Variants in CELF1 observed in about 807,000 individuals in gnomAD.
CELF1 encodes the protein CUGBP Elav-like family member 1, also known as 50 kDa nuclear polyadenylated RNA-binding protein.
CELF1 carries 10 observed loss-of-function variants against 61.8 expected under a neutral mutation model. That is an observed-to-expected ratio of 0.16 (90% CI 0.10 to 0.27). The LOEUF (loss-of-function observed/expected upper bound fraction) is 0.27, where lower values mean the gene tolerates loss of function less well. Among genes scored for constraint, CELF1 ranks in the 10% least tolerant of loss-of-function variants. The pLI is 1.00. For synonymous variants in CELF1, 236 were observed against 225.1 expected (o/e 1.05, Z -0.43); for missense variants, 380 against 639.1 (o/e 0.59, Z 4.37).
chr11:47,540,857 C>A (rs960171416), intron 1 of CELF1, among the ~76,000 whole-genome samples: 2 of 151,870 alleles, frequency 1.3e-5, no homozygotes, highest in Non-Finnish European at 2.9e-5. Context: ...TGGACTCCAG[C>A]CTGGGCGACA....
intron 1 of CELF1, among the ~76,000 whole-genome samples, chr11:47,546,926 G>T (rs908571815): frequency 2.0e-5 from 3 of 151,782 alleles, no homozygotes; most frequent in Non-Finnish European, 4.4e-5. Flanking sequence ...AATTAGCTGG[G>T]GGTCATGGCA....
chr11:47,487,384 C>T (rs1452757982), intron 4 of CELF1, 143 bp from the exon 5 acceptor site: 2 of 602,818 alleles, frequency 3.3e-6, no homozygotes, highest in African/African-American at 1.9e-5. Context: ...TGGAAAAGAA[C>T]GAATAGAATA....
intron 9 of CELF1, among the ~76,000 whole-genome samples, chr11:47,479,420 T>A (rs1398581701): frequency 6.6e-6 from 1 of 152,238 alleles, no homozygotes; most frequent in Non-Finnish European, 1.5e-5. Context: ...ATTTTAAATA[T>A]CAAATCTAAA....
At chr11:47,501,725 A>C (rs2093930479) in intron 1 of CELF1, among the ~76,000 whole-genome samples, 1 of 152,162 alleles carries the variant, frequency 6.6e-6, no homozygotes, top group Non-Finnish European at 1.5e-5. Context: ...CGGGAGGCTA[A>C]GGCAGGAGAA....
chr11:47,535,285 C>T (rs2096598938), intron 1 of CELF1, among the ~76,000 whole-genome samples: 2 of 151,610 alleles, frequency 1.3e-5, no homozygotes, highest in African/African-American at 2.4e-5. Context: ...CCAATTCATA[C>T]AACAAATTCA....
At chr11:47,540,347 T>C (rs2153721011) in intron 1 of CELF1, among the ~76,000 whole-genome samples, 1 of 152,258 alleles carries the variant, frequency 6.6e-6, no homozygotes, top group East Asian at 1.9e-4. Context: ...GCTCTAGCCA[T>C]CTAGGAAATA....
intron 1 of CELF1, among the ~76,000 whole-genome samples, chr11:47,520,836 G>A (rs145495873): frequency 0.013 from 1,967 of 152,040 alleles, 37 homozygotes; most frequent in African/African-American, 0.044. Flanking sequence ...CCCAAAAAAG[G>A]CTAAAATTAA....
intron 1 of CELF1, among the ~76,000 whole-genome samples, chr11:47,509,275 T>C (rs748845551): frequency 1.4e-4 from 21 of 152,184 alleles, no homozygotes; most frequent in Non-Finnish European, 2.2e-4. Flanking sequence ...GCCTGAACTG[T>C]TTGTACTGTA....
intron 2 of CELF1, among the ~76,000 whole-genome samples, chr11:47,558,694 A>T (rs796865583): frequency 1.9e-5 from 2 of 106,352 alleles, no homozygotes; most frequent in African/African-American, 3.8e-5. Context: ...ATTATATATA[A>T]TATATGTCAT....
At chr11:47,488,640 A>G (rs2089218105) in intron 4 of CELF1, among the ~76,000 whole-genome samples, 197 bp downstream of exon 4, 1 of 152,222 alleles carries the variant, frequency 6.6e-6, no homozygotes, top group South Asian at 2.1e-4. Flanking sequence ...GGATTACAAG[A>G]TATTACTACT....
At chr11:47,554,818 T>G (rs929230501), upstream of CELF1, among the ~76,000 whole-genome samples, 2 of 152,008 alleles carry the variant, frequency 1.3e-5, no homozygotes, top group African/African-American at 4.8e-5. Flanking sequence ...CGTGCCACGA[T>G]GCCTGACTAA....
chr11:47,536,221 T>C (rs768734746), intron 1 of CELF1, among the ~76,000 whole-genome samples: 3 of 151,086 alleles, frequency 2.0e-5, no homozygotes, highest in Non-Finnish European at 2.9e-5. Context: ...ATAGAAAAAT[T>C]AGCTGGGCAT....
intron 1 of CELF1, among the ~76,000 whole-genome samples, chr11:47,539,626 A>C (rs2153717928): frequency 6.6e-6 from 1 of 152,332 alleles, no homozygotes; most frequent in Middle Eastern, 3.4e-3. Flanking sequence ...GCTCTGTACT[A>C]AGTCTAACTC....
In CELF1 at chr11:47,471,078, C is replaced by G. The variant is rs1290545117; in HGVS notation, c.*1152G>C. ...CCAGACCCCTGTGGGAATACTACAT[C>G]TGGGACACCTCAATCAAGGAGGCAA... On this transcript the variant is annotated 3_prime_UTR_variant, in exon 15 of 15. Coordinates refer to ENST00000687097, the MANE Select transcript of CELF1 (RefSeq NM_001376376.1). The G allele has an allele frequency of 2.0e-5, 3 of 152,220 alleles. No individual in the cohort carries two copies. The highest frequency in any genetic ancestry group is 4.8e-5 in the African/African-American group (2 of 41,440). 9.4% of individuals were successfully genotyped at this position (152,220 alleles called of 1,614,324 possible).
At chr11:47,477,650 C>A in intron 10 of CELF1, 1 of 458,010 alleles carries the variant, frequency 2.2e-6, no homozygotes, top group Non-Finnish European at 4.0e-6. Flanking sequence ...CAATAGCATA[C>A]CATGCCAAGT....
intron 9 of CELF1, among the ~76,000 whole-genome samples, chr11:47,480,481 T>C (rs2082387277): frequency 6.6e-6 from 1 of 152,178 alleles, no homozygotes; most frequent in Admixed American, 6.5e-5. Context: ...CAAATGAGAT[T>C]AGCTCTTAGG....
intron 2 of CELF1, among the ~76,000 whole-genome samples, chr11:47,562,226 C>CAAAAAAAAAAAAAA (rs745795043): frequency 1.2e-5 from 1 of 81,666 alleles, no homozygotes; most frequent in African/African-American, 4.6e-5. Flanking sequence ...AACTCCATCT[C>CAAAAAAAAAAAAAA]AAAAAAAAAA....
chr11:47,546,602 T>C (rs980318822), intron 1 of CELF1, among the ~76,000 whole-genome samples: 7 of 152,196 alleles, frequency 4.6e-5, no homozygotes, highest in African/African-American at 1.7e-4. Context: ...GAAAGTATTA[T>C]TCTAACTAGG....
rs10690121 is a variant in CELF1, at chr11:47,508,675, AACACAC to A, written c.-153-7749_-153-7744del. On this transcript the variant is annotated intron_variant, in intron 1 of 14. Coordinates refer to ENST00000687097, the MANE Select transcript of CELF1 (RefSeq NM_001376376.1). ...CCAAGACTTTTTAAAGGAAACCTCA[AACACAC>A]ACACACACACACACACATAAATAAA... 1.6e-3 allele frequency among the ~76,000 whole-genome samples: 242 copies of A among 149,032 alleles called. 1 individual carries two copies. Among genetic ancestry groups the A allele is most frequent in the Non-Finnish European group, 2.0e-3 (136 of 67,046 alleles).
Sources: gnomAD v4.1 joint callset for allele counts (sites outside exome capture counted in the v4.1 genomes callset) on GRCh38, gnomAD v4.1.1 for gene constraint, MANE v1.5 for transcripts, NCBI Gene and HGNC (gene_info 2026-07-23, HGNC 2026-07-21) for gene names.